SNX9: variants seen among roughly 807,000 people sequenced by gnomAD.
SNX9 encodes sorting nexin 9.
Under a neutral mutation model 89.4 loss-of-function variants are expected in SNX9, and 44 were observed. The ratio of observed to expected loss-of-function variants is 0.49; its 90% CI spans 0.39 to 0.63. The LOEUF is 0.63. SNX9 is among the 30% of genes least tolerant of loss of function. The probability of loss-of-function intolerance (pLI) is 0.00; values close to 1 mark genes in which losing one functional copy is unlikely to be tolerated. For missense variants in SNX9, 578 were observed against 736.1 expected, an observed-to-expected ratio of 0.79 and a Z score of 2.49; for synonymous variants, 236 against 247.8, an observed-to-expected ratio of 0.95 and a Z score of 0.45.
At chr6:157,900,675 TTAACA>T in intron 5 of SNX9, among the ~76,000 whole-genome samples, 1 of 152,186 alleles carries the variant, frequency 6.6e-6, no homozygotes, top group Non-Finnish European at 1.5e-5. Context: ...AAGTAATTCT[TTAACA>T]TAACATCTGT....
At chr6:157,937,682 G>C (rs751690245) in intron 15 of SNX9, among the ~76,000 whole-genome samples, 159 bp downstream of exon 15, 12 of 152,142 alleles carry the variant, frequency 7.9e-5, no homozygotes, top group Non-Finnish European at 1.3e-4. Context: ...TTGGTTTGGG[G>C]TGTCCTCACA....
Position 157,932,229 on chromosome 6 carries a change from C to T in SNX9, c.1323C>T (p.Ala441=). ...LPKEYQKIGK[A]LQSLATVFSS... Reference sequence around the variant, plus strand: ...AGGAATATCAGAAGATAGGAAAGGCCTTGCAGAGTTTGGCCACAGTGTTCA... The same window carrying T: ...AGGAATATCAGAAGATAGGAAAGGCTTTGCAGAGTTTGGCCACAGTGTTCA... The change falls in exon 13 of 18, where the codon GCC becomes GCT. Residue 441 remains alanine, a synonymous_variant. Transcript: ENST00000392185. The T allele has an allele frequency of 1.9e-6, 3 of 1,614,160 alleles. No homozygotes were observed. The highest frequency in any genetic ancestry group is 2.5e-6 in the Non-Finnish European group (3 of 1,180,018).
intron 1 of SNX9, among the ~76,000 whole-genome samples, chr6:157,865,074 T>A (rs1238822688): frequency 6.6e-6 from 1 of 152,032 alleles, no homozygotes; most frequent in Non-Finnish European, 1.5e-5. Context: ...GCATGGTGGC[T>A]CACGCCTGTA....
intron 5 of SNX9, among the ~76,000 whole-genome samples, chr6:157,898,710 C>T (rs540048642): frequency 2.6e-5 from 4 of 152,218 alleles, no homozygotes; most frequent in African/African-American, 9.6e-5. Context: ...AGGTAGTCTC[C>T]CATTATTTTT....
intron 11 of SNX9, among the ~76,000 whole-genome samples, chr6:157,927,477 A>T (rs1783718606): frequency 6.6e-6 from 1 of 152,178 alleles, no homozygotes; most frequent in African/African-American, 2.4e-5. Flanking sequence ...AGCTGTTTCC[A>T]ATAGTGTGAT....
intron 1 of SNX9, among the ~76,000 whole-genome samples, chr6:157,831,042 C>G (rs1328966190): frequency 6.6e-6 from 1 of 152,164 alleles, no homozygotes; most frequent in African/African-American, 2.4e-5. Flanking sequence ...GGTTCTATTT[C>G]AAATCTGCTT....
intron 10 of SNX9, among the ~76,000 whole-genome samples, chr6:157,926,408 T>A (rs1783692460): frequency 6.6e-6 from 1 of 152,210 alleles, no homozygotes; most frequent in Middle Eastern, 3.2e-3. Flanking sequence ...CTCATAATAC[T>A]GGTTTCTGTC....
chr6:157,849,355 G>A (rs1454159835), intron 1 of SNX9, among the ~76,000 whole-genome samples: 1 of 152,200 alleles, frequency 6.6e-6, no homozygotes, highest in Non-Finnish European at 1.5e-5. Flanking sequence ...ATTAACATTG[G>A]GGTTTATTTA....
At chr6:157,848,740 G>A (rs1781852061) in intron 1 of SNX9, among the ~76,000 whole-genome samples, 1 of 152,176 alleles carries the variant, frequency 6.6e-6, no homozygotes, top group Non-Finnish European at 1.5e-5. Flanking sequence ...TTTAGAGAAT[G>A]CAGACATGTC....
intron 13 of SNX9, among the ~76,000 whole-genome samples, chr6:157,932,912 C>T (rs1314423765): frequency 6.8e-6 from 1 of 148,004 alleles, no homozygotes; most frequent in Non-Finnish European, 1.5e-5. Context: ...TTCATCAAGG[C>T]CATTTCAAGG....
At chr6:157,844,243 GT>G (rs1781756955) in intron 1 of SNX9, among the ~76,000 whole-genome samples, 1 of 152,194 alleles carries the variant, frequency 6.6e-6, no homozygotes, top group Non-Finnish European at 1.5e-5. Context: ...AATTCATGCA[GT>G]GCAGGAGACC....
At chr6:157,855,325 A>G (rs1781988308) in intron 1 of SNX9, among the ~76,000 whole-genome samples, 2 of 152,162 alleles carry the variant, frequency 1.3e-5, no homozygotes, top group Non-Finnish European at 2.9e-5. Context: ...GTCTTTTGCT[A>G]TTCTGGGTGG....
chr6:157,942,444 C>T (rs918500059), intron 17 of SNX9, among the ~76,000 whole-genome samples: 1 of 152,224 alleles, frequency 6.6e-6, no homozygotes, highest in Non-Finnish European at 1.5e-5. Flanking sequence ...AGCTCATACT[C>T]CTCCAGGAAA....
At chr6:157,907,348 C>A (rs1021121884) in intron 7 of SNX9, among the ~76,000 whole-genome samples, 5 of 152,122 alleles carry the variant, frequency 3.3e-5, no homozygotes, top group African/African-American at 1.2e-4. Context: ...GTGGTGTGAT[C>A]TTGGCTCACT....
At position 157,880,160 on chromosome 6, in the gene SNX9, G is replaced by GT. The variant is rs1370080186; in HGVS notation, c.300+4984_300+4985insT. Among the ~76,000 whole-genome samples, 4 of 152,312 alleles carry GT rather than the reference G, an allele frequency of 2.6e-5. No individual in the cohort carries two copies. In the East Asian group the frequency reaches 5.8e-4, roughly 22 times the overall value. On this transcript the variant is annotated intron_variant, in intron 4 of 17. Transcript: ENST00000392185. Reference sequence around the variant, plus strand: ...CATGTAAGCTTTGCTGTTAGATCCAGGCTTGCCAGTGCGGCTCCACTGTGT... The same window carrying GT: ...CATGTAAGCTTTGCTGTTAGATCCAGTGCTTGCCAGTGCGGCTCCACTGTGT...
chr6:157,823,903 A>C lies in SNX9; in HGVS notation c.12+457A>C, dbSNP rs1403009651. Among the ~76,000 whole-genome samples the C allele has an allele frequency of 6.6e-6, 1 of 151,858 alleles. No individual in the cohort carries two copies. Among genetic ancestry groups the C allele is most frequent in the Non-Finnish European group, 1.5e-5 (1 of 67,924 alleles). ...GCCCCCGCGGGGCGGGTGGGGGTCGAGACCTCGGCGGAGAGGACGCGGCGC... is the reference window on the plus strand; with the variant it reads ...GCCCCCGCGGGGCGGGTGGGGGTCGCGACCTCGGCGGAGAGGACGCGGCGC... On this transcript the variant is annotated intron_variant, in intron 1 of 17. Coordinates refer to ENST00000392185, the MANE Select transcript of SNX9 (RefSeq NM_016224.5). This position sits in a 1 kb window ranked among gnomAD's most constrained non-coding sequence, Gnocchi z 4.6.
chr6:157,834,890 C>T (rs563477065), intron 1 of SNX9, among the ~76,000 whole-genome samples: 1 of 152,288 alleles, frequency 6.6e-6, no homozygotes, highest in East Asian at 1.9e-4. Context: ...TCCTTGCAAC[C>T]CCTAAAAGCT....
At chr6:157,874,771 GAT>G (rs1350728216) in intron 3 of SNX9, 1 of 263,048 alleles carries the variant, frequency 3.8e-6, no homozygotes, top group East Asian at 9.2e-5. Context: ...AAAACAGAAA[GAT>G]AGATGGAAAA....
chr6:157,859,031 GT>G (rs941687739), intron 1 of SNX9, among the ~76,000 whole-genome samples: 7 of 152,234 alleles, frequency 4.6e-5, no homozygotes, highest in Admixed American at 1.3e-4. Flanking sequence ...AAATTCTAAA[GT>G]TTTTTTCCAG....
Sources: allele counts gnomAD v4.1 joint callset (sites outside exome capture counted in the v4.1 genomes callset), GRCh38; gene constraint gnomAD v4.1.1; non-coding constraint Gnocchi (gnomAD v3.1); transcripts MANE v1.5; gene names NCBI Gene and HGNC (gene_info 2026-07-23, HGNC 2026-07-21).